SDAD1: variants seen among roughly 807,000 people sequenced by gnomAD.
The protein encoded by SDAD1 is SDA1 domain containing 1, also known as protein SDA1 homolog.
SDAD1 carries 79 observed loss-of-function variants against 100.3 expected under a neutral mutation model. The ratio of observed to expected loss-of-function variants is 0.79; its 90% CI spans 0.66 to 0.95. The LOEUF is 0.95. Ranked by LOEUF, SDAD1 falls within the 40% of genes least tolerant of loss-of-function variation. SDAD1 has a pLI of 0.00. For synonymous variants in SDAD1, 267 were observed against 271.4 expected (o/e 0.98, Z 0.16); for missense variants, 790 against 810.9 (o/e 0.97, Z 0.31).
At chr4:75,988,406 C>T (rs1373515022) in intron 1 of SDAD1, among the ~76,000 whole-genome samples, 5 of 152,132 alleles carry the variant, frequency 3.3e-5, no homozygotes, top group African/African-American at 1.2e-4. Flanking sequence ...GATCATTCTT[C>T]CTAAACATAT....
chr4:75,981,921 T>C lies in SDAD1; in HGVS notation c.195+12A>G. 1.3e-6 allele frequency: 2 copies of C among 1,567,248 alleles called. No homozygotes were observed. The highest frequency in any genetic ancestry group is 2.7e-5 in the African/African-American group (2 of 73,826). On this transcript the variant is annotated intron_variant, in intron 2 of 21. Transcript: ENST00000356260. ...TTAATACTGGTCTTTATTTAAGCAA[T>C]TATATTCTTACCTGTGCCATAAACA...
intron 20 of SDAD1, 101 bp from the exon 21 acceptor site, chr4:75,956,237 G>A (rs527773070): frequency 7.7e-7 from 1 of 1,296,694 alleles, no homozygotes; most frequent in South Asian, 1.5e-5. Context: ...TCTACTAGGT[G>A]CCAAGGGCAC....
chr4:75,978,755 C>T (rs1472427157), intron 3 of SDAD1, among the ~76,000 whole-genome samples: 2 of 151,286 alleles, frequency 1.3e-5, no homozygotes, highest in Non-Finnish European at 2.9e-5. Flanking sequence ...GTGGGAGAAT[C>T]ACTTGAGGCC....
intron 14 of SDAD1, among the ~76,000 whole-genome samples, chr4:75,963,324 G>A (rs568409531): frequency 4.6e-5 from 7 of 151,968 alleles, no homozygotes; most frequent in East Asian, 1.9e-4. Flanking sequence ...GTCAGGTAGC[G>A]TGACTCCAGC....
chr4:75,960,808 G>C (rs1027613555), intron 16 of SDAD1, among the ~76,000 whole-genome samples: 3 of 152,176 alleles, frequency 2.0e-5, no homozygotes, highest in African/African-American at 7.2e-5. Flanking sequence ...GAAACAGCCT[G>C]ATAGGTCTTC....
intron 7 of SDAD1, 133 bp downstream of exon 7, chr4:75,973,943 G>A (rs184275894): frequency 1.5e-6 from 1 of 674,292 alleles, no homozygotes; most frequent in East Asian, 2.8e-5. Context: ...AGTTTATGCT[G>A]AGTGATGCTT....
At chr4:75,971,315 A>C in intron 9 of SDAD1, 42 bp downstream of exon 9, 1 of 1,324,618 alleles carries the variant, frequency 7.5e-7, no homozygotes, top group Non-Finnish European at 1.1e-6. Context: ...CATATTCTTC[A>C]CTCTAATCAC....
chr4:75,965,736 G>C, intron 13 of SDAD1, 28 bp downstream of exon 13: 1 of 1,596,184 alleles, frequency 6.3e-7, no homozygotes, highest in Non-Finnish European at 8.6e-7. Flanking sequence ...CATGCCCTAG[G>C]TCCAGAAGTC....
intron 14 of SDAD1, among the ~76,000 whole-genome samples, chr4:75,963,058 T>C (rs1298565006): frequency 2.0e-5 from 3 of 152,248 alleles, no homozygotes; most frequent in Non-Finnish European, 4.4e-5. Flanking sequence ...CCATCTTGAA[T>C]TAATTTTTGT....
At chr4:75,987,309 G>A (rs1291773078) in intron 1 of SDAD1, among the ~76,000 whole-genome samples, 1 of 152,028 alleles carries the variant, frequency 6.6e-6, no homozygotes, top group Non-Finnish European at 1.5e-5. Flanking sequence ...CCTCAGCTCT[G>A]GCAAACACTA....
intron 7 of SDAD1, among the ~76,000 whole-genome samples, chr4:75,973,634 A>G (rs1395373931): frequency 6.6e-6 from 1 of 152,156 alleles, no homozygotes; most frequent in East Asian, 1.9e-4. Context: ...GACTGTCGAG[A>G]ATTTCTACAT....
In SDAD1 at chr4:75,968,039, T is replaced by C. The variant is rs547404426; in HGVS notation, c.988-705A>G. Among the ~76,000 whole-genome samples the C allele has an allele frequency of 3.3e-5, 5 of 152,336 alleles. No individual in the cohort carries two copies. The East Asian group carries it at 5.8e-4, about 18-fold the overall frequency. On this transcript the variant is annotated intron_variant, in intron 11 of 21. Coordinates refer to ENST00000356260, the MANE Select transcript of SDAD1 (RefSeq NM_018115.4). ...TTCTATTTTAGCCACAGAGCAAAAG[T>C]AGGATGGGCCACTGAGAAGTTGCAG...
intron 4 of SDAD1, 62 bp downstream of exon 4, chr4:75,977,584 A>G: frequency 3.9e-6 from 4 of 1,030,436 alleles, no homozygotes; most frequent in Non-Finnish European, 6.1e-6. Flanking sequence ...ATAATTCAAG[A>G]GACAACAAAA....
At chr4:75,958,410 T>C (rs140461097) in intron 17 of SDAD1, among the ~76,000 whole-genome samples, 21 of 152,322 alleles carry the variant, frequency 1.4e-4, no homozygotes, top group African/African-American at 4.6e-4. Flanking sequence ...AGAATCTAGT[T>C]AGTCATTCAG....
Position 75,971,419 on chromosome 4 carries a change from C to T in SDAD1, c.751G>A (p.Ala251Thr). The T allele has an allele frequency of 6.2e-7, 1 of 1,614,042 alleles. No homozygotes were observed. The highest frequency in any genetic ancestry group is 8.5e-7 in the Non-Finnish European group (1 of 1,179,954). ...TTTTTGGAACTTTTCTTCCCTGTAG[C>T]ATATTGTACTAGCAGGTCTCTTGCT... The part of the protein sequence containing the change: ...PTARDLLVQY[A>T]TGKKSSKNKK... Residue 251 changes from alanine to threonine, a missense_variant, in exon 9 of 22, where the codon GCT becomes ACT. Ala to Thr is a moderately conservative substitution (Grantham distance 58). Coordinates refer to ENST00000356260, the MANE Select transcript of SDAD1 (RefSeq NM_018115.4).
chr4:75,980,588 G>C, intron 3 of SDAD1, among the ~76,000 whole-genome samples: 1 of 111,716 alleles, frequency 9.0e-6, no homozygotes, highest in East Asian at 2.2e-4. Context: ...GTGAAGGAAG[G>C]AGGATAGTGC....
At chr4:75,989,112 T>C (rs1388128389) in intron 1 of SDAD1, among the ~76,000 whole-genome samples, 1 of 152,210 alleles carries the variant, frequency 6.6e-6, no homozygotes, top group Non-Finnish European at 1.5e-5. Flanking sequence ...TAACAGGGCC[T>C]AAGAGGCTCT....
At chr4:75,975,252 GA>G (rs1730093475) in intron 6 of SDAD1, among the ~76,000 whole-genome samples, 1 of 152,028 alleles carries the variant, frequency 6.6e-6, no homozygotes, top group African/African-American at 2.4e-5. Flanking sequence ...TAGTCAATAA[GA>G]AAAGCAAAAG....
intron 6 of SDAD1, among the ~76,000 whole-genome samples, chr4:75,974,724 C>T (rs1242424593): frequency 8.8e-6 from 1 of 113,574 alleles, no homozygotes; most frequent in Admixed American, 8.1e-5. Context: ...AACAAACAAA[C>T]AAAAATAATC....
Sources: gnomAD v4.1 joint callset for allele counts (sites outside exome capture counted in the v4.1 genomes callset) on GRCh38, gnomAD v4.1.1 for gene constraint, MANE v1.5 for transcripts, NCBI Gene and HGNC (gene_info 2026-07-23, HGNC 2026-07-21) for gene names.